Variants in PDLIM5 observed in about 807,000 individuals in gnomAD.
PDLIM5 encodes the protein PDZ and LIM domain protein 5.
In PDLIM5, 34 loss-of-function variants were observed where a neutral mutation model predicts 64.2. The ratio of observed to expected loss-of-function variants is 0.53; its 90% confidence interval spans 0.40 to 0.71. The LOEUF is 0.71. Among genes scored for constraint, PDLIM5 ranks in the 30% least tolerant of loss-of-function variants. The pLI, the probability that PDLIM5 is intolerant of heterozygous loss-of-function variation, is 0.00. For missense variants in PDLIM5, 683 were observed against 733.6 expected (o/e 0.93, Z 0.80); for synonymous variants, 253 against 269.1 (o/e 0.94, Z 0.59).
intron 2 of PDLIM5, among the ~76,000 whole-genome samples, chr4:94,478,180 C>T (rs528640140): frequency 7.4e-5 from 11 of 149,224 alleles, no homozygotes; most frequent in Admixed American, 2.0e-4. Flanking sequence ...TGCTTGAACC[C>T]GGGAGGCGGA....
intron 2 of PDLIM5, among the ~76,000 whole-genome samples, chr4:94,476,393 G>A (rs1725325601): frequency 6.6e-6 from 1 of 151,864 alleles, no homozygotes; most frequent in African/African-American, 2.4e-5. Flanking sequence ...ACTAGAGGAA[G>A]AAAATATAAA....
In PDLIM5 at chr4:94,662,664, T is replaced by G. The variant is rs546215414; in HGVS notation, c.1701+127T>G. On this transcript the variant is annotated intron_variant, in intron 12 of 12. Transcript: ENST00000317968. ...ACCTAAGGAAAAATTATTTTTAATTTTTTGTAAATTTCGAAAGTTGTTTAT... is the reference window on the plus strand; with the variant it reads ...ACCTAAGGAAAAATTATTTTTAATTGTTTGTAAATTTCGAAAGTTGTTTAT... 40 of 473,718 alleles carry G rather than the reference T, an allele frequency of 8.4e-5. No individual in the cohort carries two copies. In the Admixed American group the frequency reaches 1.4e-3, roughly 16 times the overall value. The allele number at this position is 473,718 out of a possible 1,614,324, so 29.3% of individuals were successfully genotyped here. A position where few individuals can be genotyped will look rare whatever the true frequency, so the allele number is the denominator to read the frequency against.
At chr4:94,567,141 C>CT (rs1560708182) in intron 3 of PDLIM5, among the ~76,000 whole-genome samples, 17 of 152,200 alleles carry the variant, frequency 1.1e-4, no homozygotes, top group South Asian at 2.1e-4. Context: ...TACAGGCGCC[C>CT]GCCACCACAC....
chr4:94,506,320 A>T (rs1728394530), intron 2 of PDLIM5, among the ~76,000 whole-genome samples: 1 of 152,200 alleles, frequency 6.6e-6, no homozygotes, highest in South Asian at 2.1e-4. Flanking sequence ...AATGTTCTTG[A>T]TGTCTCAGCT....
At chr4:94,545,718 G>C (rs956084952) in intron 3 of PDLIM5, among the ~76,000 whole-genome samples, 2 of 152,064 alleles carry the variant, frequency 1.3e-5, no homozygotes, top group African/African-American at 4.8e-5. Context: ...GAGATGGCTG[G>C]GTGCTGAATA....
intron 11 of PDLIM5, among the ~76,000 whole-genome samples, chr4:94,658,254 G>A (rs1209405016): frequency 6.6e-6 from 1 of 152,152 alleles, no homozygotes; most frequent in Non-Finnish European, 1.5e-5. Flanking sequence ...AAAATAAACT[G>A]GAGATCGTTT....
At chr4:94,615,665 A>G (rs908485959) in intron 7 of PDLIM5, among the ~76,000 whole-genome samples, 2 of 152,240 alleles carry the variant, frequency 1.3e-5, no homozygotes, top group African/African-American at 4.8e-5. Context: ...TGAGCCTTCC[A>G]CAGGCTAAAT....
intron 3 of PDLIM5, among the ~76,000 whole-genome samples, chr4:94,533,975 C>A (rs558611154): frequency 1.2e-4 from 18 of 152,218 alleles, no homozygotes; most frequent in African/African-American, 4.1e-4. Flanking sequence ...AAAGCTTTTT[C>A]GAAGAGTATA....
intron 2 of PDLIM5, among the ~76,000 whole-genome samples, chr4:94,467,365 A>G (rs1244770362): frequency 7.0e-6 from 1 of 142,284 alleles, no homozygotes; most frequent in Non-Finnish European, 1.5e-5. Context: ...CCCAGGCTGG[A>G]GTGTGGCGGC....
chr4:94,502,040 TC>T (rs1397046430), intron 2 of PDLIM5, among the ~76,000 whole-genome samples: 1 of 152,152 alleles, frequency 6.6e-6, no homozygotes, highest in Non-Finnish European at 1.5e-5. Flanking sequence ...TTCGTTTCCT[TC>T]TTTTTCTTCA....
At chr4:94,639,451 A>C (rs768980300) in intron 8 of PDLIM5, among the ~76,000 whole-genome samples, 4 of 152,200 alleles carry the variant, frequency 2.6e-5, no homozygotes, top group Non-Finnish European at 4.4e-5. Flanking sequence ...AAATTAAGAC[A>C]GTATTATAGG....
At chr4:94,588,279 G>C (rs550991257) in intron 7 of PDLIM5, 14 of 624,864 alleles carry the variant, frequency 2.2e-5, no homozygotes, top group Non-Finnish European at 2.8e-5. Context: ...ATAAAACACG[G>C]CAGGCCAGGT....
chr4:94,454,528 A>G (rs1304772527), intron 1 of PDLIM5, among the ~76,000 whole-genome samples: 1 of 152,172 alleles, frequency 6.6e-6, no homozygotes, highest in Non-Finnish European at 1.5e-5. Context: ...GCAAATGCTT[A>G]CTCTCTGCCT....
At chr4:94,470,304 C>G (rs1485083616) in intron 2 of PDLIM5, among the ~76,000 whole-genome samples, 1 of 152,038 alleles carries the variant, frequency 6.6e-6, no homozygotes, top group African/African-American at 2.4e-5. Flanking sequence ...AGCTTGTCTC[C>G]CAGATGGCTT....
intron 3 of PDLIM5, among the ~76,000 whole-genome samples, chr4:94,569,725 G>A (rs955867621): frequency 1.1e-4 from 17 of 152,230 alleles, no homozygotes; most frequent in African/African-American, 3.1e-4. Flanking sequence ...ATGGATATGC[G>A]GTTGAGTGCC....
rs67013211 is a variant in PDLIM5, at chr4:94,478,890, G to GTTTTTTTTTTT, written c.96+23523_96+23533dup. ...CCAAAAGAAGGTAGGTGTGCTTGGT[G>GTTTTTTTTTTT]TTTTTTTTTTTTTTTTTTTTTTTTT... On this transcript the variant is annotated intron_variant, in intron 2 of 12. Transcript: ENST00000317968. Among the ~76,000 whole-genome samples, 100 of 94,076 alleles carry GTTTTTTTTTTT rather than the reference G, an allele frequency of 1.1e-3. 14 individuals are homozygous for GTTTTTTTTTTT. The highest frequency in any genetic ancestry group is 4.1e-3 in the African/African-American group (92 of 22,348). The allele number at this position is 94,076 out of a possible 152,430, so 61.7% of individuals were successfully genotyped here.
chr4:94,500,983 T>C (rs1364817351), intron 2 of PDLIM5, among the ~76,000 whole-genome samples: 1 of 152,008 alleles, frequency 6.6e-6, no homozygotes, highest in Non-Finnish European at 1.5e-5. Flanking sequence ...GGTTTCGCCA[T>C]GTTGGCCAGG....
intron 3 of PDLIM5, among the ~76,000 whole-genome samples, chr4:94,538,775 G>T (rs543238388): frequency 1.3e-5 from 2 of 152,058 alleles, no homozygotes; most frequent in African/African-American, 2.4e-5. Flanking sequence ...TTTCTTTAGA[G>T]CCTCAAAATC....
At chr4:94,548,396 A>G (rs1038060687) in intron 3 of PDLIM5, among the ~76,000 whole-genome samples, 1 of 152,202 alleles carries the variant, frequency 6.6e-6, no homozygotes, top group African/African-American at 2.4e-5. Context: ...TACTCTGAAC[A>G]TAAATTTATT....
Sources: gnomAD v4.1 joint callset for allele counts (sites outside exome capture counted in the v4.1 genomes callset) on GRCh38, gnomAD v4.1.1 for gene constraint, MANE v1.5 for transcripts, NCBI Gene and HGNC (gene_info 2026-07-23, HGNC 2026-07-21) for gene names.